TMEM132B: variants seen among roughly 807,000 people sequenced by gnomAD.
The protein encoded by TMEM132B is transmembrane protein 132B.
A neutral mutation model predicts 90.8 loss-of-function variants in TMEM132B; 18 were observed. The observed-to-expected ratio is 0.20, with a 90% confidence interval of 0.14 to 0.29. The LOEUF (loss-of-function observed/expected upper bound fraction) is 0.29, where lower values mean the gene tolerates loss of function less well. Among genes scored for constraint, TMEM132B ranks in the 10% least tolerant of loss-of-function variants. TMEM132B has a pLI of 1.00. For synonymous variants in TMEM132B, 504 were observed against 523.3 expected, an observed-to-expected ratio of 0.96 and a Z score of 0.50; for missense variants, 1,096 against 1,326.8, an observed-to-expected ratio of 0.83 and a Z score of 2.70.
chr12:125,229,225 G>A (rs985810846), intron 1 of TMEM132B, among the ~76,000 whole-genome samples: 3 of 152,200 alleles, frequency 2.0e-5, no homozygotes, highest in East Asian at 3.9e-4. Flanking sequence ...CCAAATGCGT[G>A]CTGATGGATA....
At chr12:125,190,637 G>C (rs1398279323) in intron 1 of TMEM132B, among the ~76,000 whole-genome samples, 1 of 83,964 alleles carries the variant, frequency 1.2e-5, no homozygotes, top group East Asian at 4.1e-4. Flanking sequence ...TGATGGTGAT[G>C]GGGAAGGGGT....
chr12:125,630,659 G>A (rs978216901), intron 5 of TMEM132B, among the ~76,000 whole-genome samples: 2 of 152,026 alleles, frequency 1.3e-5, no homozygotes, highest in African/African-American at 4.8e-5. Context: ...CTCATGTCAT[G>A]GGTGCTTATT....
chr12:125,224,689 A>G (rs905471427), intron 1 of TMEM132B, among the ~76,000 whole-genome samples: 4 of 152,254 alleles, frequency 2.6e-5, no homozygotes, highest in African/African-American at 7.2e-5. Flanking sequence ...GAGGAAGGGC[A>G]GAAGAAAAAC....
intron 2 of TMEM132B, among the ~76,000 whole-genome samples, chr12:125,353,380 T>G (rs1255245536): frequency 6.6e-6 from 1 of 152,184 alleles, no homozygotes; most frequent in African/African-American, 2.4e-5. Context: ...ACTCCTGATA[T>G]AGAGATAATA....
At chr12:125,256,755 A>G (rs997789826) in intron 1 of TMEM132B, among the ~76,000 whole-genome samples, 1 of 152,172 alleles carries the variant, frequency 6.6e-6, no homozygotes, top group Admixed American at 6.5e-5. Context: ...CCAACCTAAT[A>G]TTATAAAAGT....
At chr12:125,584,970 G>C (rs1276194436) in intron 5 of TMEM132B, 1 of 152,142 alleles carries the variant, frequency 6.6e-6, no homozygotes, top group Non-Finnish European at 1.5e-5. Context: ...ACAAGCTCTT[G>C]TTTAGAGGTT....
chr12:125,193,730 A>G (rs1415694771), intron 1 of TMEM132B, among the ~76,000 whole-genome samples: 1 of 152,232 alleles, frequency 6.6e-6, no homozygotes, highest in Non-Finnish European at 1.5e-5. Context: ...TCATTCATTC[A>G]TTCATTGAAC....
At chr12:125,207,982 A>G (rs1302323530) in intron 1 of TMEM132B, among the ~76,000 whole-genome samples, 1 of 152,266 alleles carries the variant, frequency 6.6e-6, no homozygotes, top group African/African-American at 2.4e-5. Context: ...TTTAAAGTTA[A>G]GTAAATTTAA....
chr12:125,646,279 T>C (rs1318046109), intron 6 of TMEM132B, among the ~76,000 whole-genome samples: 5 of 152,180 alleles, frequency 3.3e-5, no homozygotes, highest in Admixed American at 2.6e-4. Context: ...TTGCTGCTAA[T>C]AGCAGAATGC....
rs187357861 is a variant in TMEM132B at position 125,515,108 on chromosome 12, G to A, written c.1107-4331G>A. ...AGCCAAGCAGTGTCGCCACTCCATG[G>A]CGGATTCCTCCTAACACACGCAGAC... is the stretch of plus-strand genomic sequence containing the variant. On this transcript the variant is annotated intron_variant, in intron 3 of 8. Transcript: ENST00000682704. 1.7e-3 allele frequency among the ~76,000 whole-genome samples: 252 copies of A among 152,258 alleles called. 1 individual carries two copies. The highest frequency in any genetic ancestry group is 2.9e-3 in the Non-Finnish European group (196 of 68,014).
chr12:125,519,343 T>C, intron 3 of TMEM132B, 96 bp from the exon 4 acceptor site: 2 of 1,302,934 alleles, frequency 1.5e-6, no homozygotes, highest in Non-Finnish European at 2.1e-6. Context: ...GTCATTCTTT[T>C]GGTTGACAAA....
chr12:125,451,066 T>C (rs1881136698), intron 3 of TMEM132B, among the ~76,000 whole-genome samples: 1 of 152,116 alleles, frequency 6.6e-6, no homozygotes, highest in Non-Finnish European at 1.5e-5. Context: ...GTAGAAGTGT[T>C]CCAAATTAAA....
chr12:125,600,487 A>G (rs1232593338), intron 5 of TMEM132B, among the ~76,000 whole-genome samples: 1 of 152,200 alleles, frequency 6.6e-6, no homozygotes, highest in Non-Finnish European at 1.5e-5. Flanking sequence ...CTCTCACAGT[A>G]GAAAGTGAGA....
intron 1 of TMEM132B, among the ~76,000 whole-genome samples, chr12:125,190,499 A>AC (rs2136047063): frequency 1.2e-5 from 1 of 84,842 alleles, no homozygotes; most frequent in East Asian, 3.9e-4. Context: ...GGTGATGGTG[A>AC]TGGGAAGGGG....
chr12:125,624,515 G>A (rs558510542), intron 5 of TMEM132B, among the ~76,000 whole-genome samples: 4 of 152,314 alleles, frequency 2.6e-5, no homozygotes, highest in East Asian at 3.9e-4. Context: ...AGGTCTTAGC[G>A]TGAGAAGATA....
intron 4 of TMEM132B, among the ~76,000 whole-genome samples, chr12:125,542,562 A>G (rs12828045): frequency 0.13 from 19,306 of 152,162 alleles, 1,303 homozygotes; most frequent in South Asian, 0.18. Flanking sequence ...GATTTTCCTC[A>G]TGTAGGTAGA....
chr12:125,530,001 C>T (rs1477900966), intron 4 of TMEM132B, among the ~76,000 whole-genome samples: 2 of 152,152 alleles, frequency 1.3e-5, no homozygotes, highest in Non-Finnish European at 2.9e-5. Context: ...CACACTCCAG[C>T]CTGGGCCGCA....
At chr12:125,363,664 A>G (rs1878031913) in intron 2 of TMEM132B, among the ~76,000 whole-genome samples, 1 of 152,084 alleles carries the variant, frequency 6.6e-6, no homozygotes, top group Non-Finnish European at 1.5e-5. Context: ...CGTCTTATGT[A>G]CTTCTTTTCA....
chr12:125,522,777 G>A (rs1468810749), intron 4 of TMEM132B, among the ~76,000 whole-genome samples: 1 of 152,176 alleles, frequency 6.6e-6, no homozygotes, highest in Non-Finnish European at 1.5e-5. Flanking sequence ...CAGAGAGAGG[G>A]CCTCAGCATC....
Sources: allele counts gnomAD v4.1 joint callset (sites outside exome capture counted in the v4.1 genomes callset), GRCh38; gene constraint gnomAD v4.1.1; transcripts MANE v1.5; gene names NCBI Gene and HGNC (gene_info 2026-07-23, HGNC 2026-07-21).